Variants in SKAP1 observed in about 807,000 individuals in gnomAD.
SKAP1 encodes the protein src kinase-associated phosphoprotein 1.
Under a neutral mutation model 58.5 loss-of-function variants are expected in SKAP1, and 44 were observed. That is an observed-to-expected ratio of 0.75 (90% CI 0.59 to 0.97). The LOEUF is 0.97. Ranked by LOEUF, SKAP1 falls within the 50% of genes least tolerant of loss-of-function variation. SKAP1 has a pLI of 0.00. For synonymous variants in SKAP1, 127 were observed against 149.7 expected (o/e 0.85, Z 1.11); for missense variants, 390 against 435.2 (o/e 0.90, Z 0.92).
intron 2 of SKAP1, among the ~76,000 whole-genome samples, chr17:48,396,445 G>A (rs2067418843): frequency 6.6e-6 from 1 of 152,156 alleles, no homozygotes. Context: ...AAAATCCAAA[G>A]CTAAAAGCAG....
intron 4 of SKAP1, among the ~76,000 whole-genome samples, chr17:48,203,201 G>A (rs2064751118): frequency 6.6e-6 from 1 of 152,156 alleles, no homozygotes; most frequent in East Asian, 1.9e-4. Context: ...TTTCCTGTCC[G>A]TGCACAGGGA....
intron 4 of SKAP1, among the ~76,000 whole-genome samples, chr17:48,262,810 T>C (rs920367051): frequency 2.6e-5 from 4 of 152,158 alleles, no homozygotes; most frequent in African/African-American, 7.2e-5. Context: ...TCCTCCTTGG[T>C]ATTTCATTGC....
chr17:48,261,660 T>C (rs2065486215), intron 4 of SKAP1, among the ~76,000 whole-genome samples: 1 of 152,170 alleles, frequency 6.6e-6, no homozygotes, highest in African/African-American at 2.4e-5. Context: ...AGGGCCATAC[T>C]GAACCCAGAA....
chr17:48,381,739 T>C (rs2144482558), intron 2 of SKAP1, among the ~76,000 whole-genome samples: 1 of 152,328 alleles, frequency 6.6e-6, no homozygotes, highest in South Asian at 2.1e-4. Flanking sequence ...TAGGCACTTT[T>C]ATGTACATAA....
chr17:48,212,669 T>C (rs1463178573), intron 4 of SKAP1, among the ~76,000 whole-genome samples: 2 of 152,248 alleles, frequency 1.3e-5, no homozygotes, highest in Non-Finnish European at 2.9e-5. Flanking sequence ...AATAATCTGT[T>C]TAAGTCTATG....
intron 4 of SKAP1, among the ~76,000 whole-genome samples, chr17:48,221,503 C>T (rs1462775401): frequency 3.3e-5 from 5 of 152,158 alleles, no homozygotes; most frequent in African/African-American, 1.2e-4. Context: ...AGAGAAATTA[C>T]ATAGGCATGG....
intron 4 of SKAP1, among the ~76,000 whole-genome samples, chr17:48,195,906 CA>C (rs559986931): frequency 3.3e-5 from 5 of 150,516 alleles, no homozygotes; most frequent in African/African-American, 4.9e-5. Flanking sequence ...ATACTGAAGA[CA>C]AAAAAAACCT....
At position 48,201,826 on chromosome 17, in the gene SKAP1, A is replaced by G. The variant is rs542892466; in HGVS notation, c.281-12326T>C. ...ATAAACAGGCAAAAGACTGTGCCAAATGAATAACTGATTACTCTTTAGGAA... is the reference window on the plus strand; with the variant it reads ...ATAAACAGGCAAAAGACTGTGCCAAGTGAATAACTGATTACTCTTTAGGAA... On this transcript the variant is annotated intron_variant, in intron 4 of 12. Transcript: ENST00000336915. 1.1e-4 allele frequency among the ~76,000 whole-genome samples: 16 copies of G among 152,358 alleles called. 1 individual carries two copies. The South Asian group carries it at 3.3e-3, about 32-fold the overall frequency.
chr17:48,252,698 C>T (rs2938470), intron 4 of SKAP1, among the ~76,000 whole-genome samples: 52,721 of 148,832 alleles, frequency 0.35, 9,892 homozygotes, highest in South Asian at 0.58. Context: ...ATAAAAATGG[C>T]CAAAGCTCTA....
chr17:48,298,875 A>G (rs555845003), intron 4 of SKAP1, among the ~76,000 whole-genome samples: 70 of 152,282 alleles, frequency 4.6e-4, no homozygotes, highest in African/African-American at 1.6e-3. Flanking sequence ...TAAACTGTAG[A>G]CCTTTTAATA....
chr17:48,267,405 A>G (rs2065565734), intron 4 of SKAP1, among the ~76,000 whole-genome samples: 1 of 152,114 alleles, frequency 6.6e-6, no homozygotes, highest in East Asian at 1.9e-4. Context: ...TTAATTAAAC[A>G]CACACACACA....
intron 4 of SKAP1, among the ~76,000 whole-genome samples, chr17:48,252,139 C>A (rs927160691): frequency 6.6e-6 from 1 of 151,928 alleles, no homozygotes; most frequent in Non-Finnish European, 1.5e-5. Context: ...GGTCAGTGAC[C>A]AACAAACTAT....
chr17:48,205,944 A>C (rs4794505), intron 4 of SKAP1, among the ~76,000 whole-genome samples: 1 of 151,632 alleles, frequency 6.6e-6, no homozygotes, highest in South Asian at 2.1e-4. Flanking sequence ...CACCAAGAAA[A>C]AAGGTGACAT....
intron 4 of SKAP1, among the ~76,000 whole-genome samples, chr17:48,297,842 C>T (rs747637687): frequency 2.6e-5 from 4 of 152,190 alleles, no homozygotes; most frequent in Non-Finnish European, 5.9e-5. Context: ...ACAGGGCTGG[C>T]TTCAGAAATT....
At chr17:48,232,986 T>C (rs554026757) in intron 4 of SKAP1, among the ~76,000 whole-genome samples, 1 of 152,336 alleles carries the variant, frequency 6.6e-6, no homozygotes, top group Middle Eastern at 3.4e-3. Flanking sequence ...AGAATCAGAA[T>C]GTCTAGTGGA....
chr17:48,323,207 T>TA (rs5820695), intron 4 of SKAP1, among the ~76,000 whole-genome samples: 48,819 of 139,354 alleles, frequency 0.35, 8,758 homozygotes, highest in African/African-American at 0.48. Flanking sequence ...CAGACAACAG[T>TA]AAAAAAAAAA....
At chr17:48,438,061 A>C in the SKAP1 span, among the ~76,000 whole-genome samples, 1 of 152,134 alleles carries the variant, frequency 6.6e-6, no homozygotes, top group South Asian at 2.1e-4. Flanking sequence ...TATATATCCC[A>C]AAGCATGGCT....
Position 48,220,972 on chromosome 17 carries a change from T to TA in SKAP1, c.281-31473dup, listed in dbSNP as rs200348849. Reference sequence around the variant, plus strand: ...GCTTACATAAGTGTGTTCACTTTGTTAAAAAAAATCACCAGGGTGGGCACG... The same window carrying TA: ...GCTTACATAAGTGTGTTCACTTTGTTAAAAAAAAATCACCAGGGTGGGCACG... On this transcript the variant is annotated intron_variant, in intron 4 of 12. Coordinates refer to ENST00000336915, the MANE Select transcript of SKAP1 (RefSeq NM_003726.4). Among the ~76,000 whole-genome samples, 472 of 151,356 alleles carry TA rather than the reference T, an allele frequency of 3.1e-3. 3 individuals are homozygous for TA. The highest frequency in any genetic ancestry group is 0.01 in the African/African-American group (430 of 41,188).
intron 4 of SKAP1, among the ~76,000 whole-genome samples, chr17:48,208,424 C>G (rs2064834115): frequency 6.6e-6 from 1 of 152,132 alleles, no homozygotes; most frequent in African/African-American, 2.4e-5. Context: ...CCTTGAAGAC[C>G]CAAGTGTCAG....
Sources: allele counts gnomAD v4.1 joint callset (sites outside exome capture counted in the v4.1 genomes callset), GRCh38; gene constraint gnomAD v4.1.1; transcripts MANE v1.5; gene names NCBI Gene and HGNC (gene_info 2026-07-23, HGNC 2026-07-21).